The following SPOPL variants were observed in gnomAD, a reference collection of about 807,000 sequenced individuals.
SPOPL encodes the protein speckle type BTB/POZ protein like.
In SPOPL, 23 loss-of-function variants were observed where a neutral mutation model predicts 53.8. That is an observed-to-expected ratio of 0.43 (90% CI 0.31 to 0.61). The LOEUF is 0.61. SPOPL is among the 20% of genes least tolerant of loss of function. SPOPL has a pLI of 0.12. For missense variants in SPOPL, 442 were observed against 466.9 expected, an observed-to-expected ratio of 0.95 and a Z score of 0.49; for synonymous variants, 164 against 149.7, an observed-to-expected ratio of 1.10 and a Z score of -0.70.
chr2:138,502,568 C>T (rs1684128573), intron 1 of SPOPL, among the ~76,000 whole-genome samples: 1 of 152,204 alleles, frequency 6.6e-6, no homozygotes, highest in African/African-American at 2.4e-5. Context: ...CAAATACAGA[C>T]ACTTGAAACT....
At chr2:138,542,448 G>A (rs1281769719) in intron 1 of SPOPL, among the ~76,000 whole-genome samples, 4 of 152,198 alleles carry the variant, frequency 2.6e-5, no homozygotes, top group Admixed American at 2.0e-4. Flanking sequence ...ATTTAGGATA[G>A]TTAGCTGTTC....
At chr2:138,503,775 GA>G (rs1437843993) in intron 1 of SPOPL, among the ~76,000 whole-genome samples, 1 of 152,162 alleles carries the variant, frequency 6.6e-6, no homozygotes, top group Non-Finnish European at 1.5e-5. Context: ...AGATTTTACA[GA>G]TAAAAGTTTT....
chr2:138,573,324 G>A lies in SPOPL; in HGVS notation c.*4244G>A, dbSNP rs1045630897. Reference sequence around the variant, plus strand: ...TGCAAAAGAGCCATGTATTTGATACGGTAAATCATGCATAGTAATTGTCTT... The same window carrying A: ...TGCAAAAGAGCCATGTATTTGATACAGTAAATCATGCATAGTAATTGTCTT... On this transcript the variant is annotated 3_prime_UTR_variant, in exon 11 of 11. Transcript: ENST00000280098. 1.3e-5 allele frequency: 2 copies of A among 151,990 alleles called. No individual in the cohort carries two copies. Among genetic ancestry groups the A allele is most frequent in the African/African-American group, 2.4e-5 (1 of 41,372 alleles). 9.4% of individuals were successfully genotyped at this position (151,990 alleles called of 1,614,324 possible). A position where few individuals can be genotyped will look rare whatever the true frequency, so the allele number is the denominator to read the frequency against.
At chr2:138,545,858 A>G (rs1685183744) in intron 1 of SPOPL, among the ~76,000 whole-genome samples, 1 of 152,168 alleles carries the variant, frequency 6.6e-6, no homozygotes, top group Non-Finnish European at 1.5e-5. Flanking sequence ...ATTTTGTGAC[A>G]TCTATGTGTA....
chr2:138,552,714 GTTTA>G (rs1296701052), intron 5 of SPOPL, 33 bp downstream of exon 5: 2 of 1,595,654 alleles, frequency 1.3e-6, no homozygotes, highest in African/African-American at 1.4e-5. Context: ...GAACCCCATG[GTTTA>G]TTTAGTGATA....
chr2:138,571,174 T>G lies in SPOPL; in HGVS notation c.*2094T>G, dbSNP rs1685772526. On this transcript the variant is annotated 3_prime_UTR_variant, in exon 11 of 11. Coordinates refer to ENST00000280098, the MANE Select transcript of SPOPL (RefSeq NM_001001664.3). ...GAGGGTCTTATAAGAAAACAAAAAT[T>G]CCCTCAGGCTATAGAATTATGTTGT... The G allele has an allele frequency of 6.6e-6, 1 of 152,098 alleles. No individual in the cohort carries two copies. Among genetic ancestry groups the G allele is most frequent in the Non-Finnish European group, 1.5e-5 (1 of 67,992 alleles). 9.4% of individuals were successfully genotyped at this position (152,098 alleles called of 1,614,324 possible). A position where few individuals can be genotyped will look rare whatever the true frequency, so the allele number is the denominator to read the frequency against.
chr2:138,538,266 CT>C (rs1160311644), intron 1 of SPOPL, among the ~76,000 whole-genome samples: 1 of 152,052 alleles, frequency 6.6e-6, no homozygotes, highest in Non-Finnish European at 1.5e-5. Context: ...CTTTATTGAT[CT>C]TCCTCGTTCT....
chr2:138,512,084 T>A (rs1249829519), intron 1 of SPOPL, among the ~76,000 whole-genome samples: 1 of 152,234 alleles, frequency 6.6e-6, no homozygotes, highest in East Asian at 1.9e-4. Flanking sequence ...GTATTGTTTC[T>A]GATCTAAGTA....
chr2:138,563,558 T>A (rs1281671484), intron 8 of SPOPL, among the ~76,000 whole-genome samples: 1 of 152,168 alleles, frequency 6.6e-6, no homozygotes, highest in Admixed American at 6.5e-5. Context: ...TTCCTGCACA[T>A]CATTATAATG....
intron 10 of SPOPL, among the ~76,000 whole-genome samples, chr2:138,568,590 A>G (rs1363935360): frequency 6.6e-6 from 1 of 152,192 alleles, no homozygotes; most frequent in Admixed American, 6.5e-5. Context: ...GTAGAGTCCA[A>G]TATTTGTAAC....
At chr2:138,506,156 G>C (rs1684211484) in intron 1 of SPOPL, among the ~76,000 whole-genome samples, 1 of 152,232 alleles carries the variant, frequency 6.6e-6, no homozygotes, top group Non-Finnish European at 1.5e-5. Context: ...GCAGAGAACA[G>C]GTTGGAAAGA....
intron 1 of SPOPL, among the ~76,000 whole-genome samples, chr2:138,506,402 G>A (rs182514603): frequency 3.0e-4 from 46 of 152,304 alleles, no homozygotes; most frequent in African/African-American, 1.0e-3. Context: ...CAGTGCACAG[G>A]TCACAATTTG....
chr2:138,534,320 A>G (rs1346508267), intron 1 of SPOPL, among the ~76,000 whole-genome samples: 1 of 152,220 alleles, frequency 6.6e-6, no homozygotes, highest in Non-Finnish European at 1.5e-5. Context: ...ATCTAATAAA[A>G]CAGCACAGTA....
chr2:138,530,302 A>G (rs1684779475), intron 1 of SPOPL, among the ~76,000 whole-genome samples: 1 of 152,132 alleles, frequency 6.6e-6, no homozygotes, highest in Non-Finnish European at 1.5e-5. Context: ...ACATGTGTGC[A>G]TGTGTCTTTA....
chr2:138,550,762 T>G, intron 3 of SPOPL, 141 bp from the exon 4 acceptor site: 1 of 1,394,548 alleles, frequency 7.2e-7, no homozygotes, highest in Non-Finnish European at 9.7e-7. Flanking sequence ...TAAAGAACTG[T>G]GAGGATGTTG....
At position 138,559,184 on chromosome 2, in the gene SPOPL, A is replaced by T; in HGVS notation, c.643A>T (p.Lys215Ter). The T allele has an allele frequency of 6.2e-7, 1 of 1,613,564 alleles. No individual in the cohort carries two copies. The highest frequency in any genetic ancestry group is 8.5e-7 in the Non-Finnish European group (1 of 1,179,746). Residue 215 changes from lysine to a stop codon, truncating the protein, a stop_gained, in exon 6 of 11, where the codon AAA becomes TAA. Coordinates refer to ENST00000280098, the MANE Select transcript of SPOPL (RefSeq NM_001001664.3). LOFTEE classifies it high-confidence loss of function. Reference sequence around the variant, plus strand: ...GAGAGGACAAGAATTTAAAGCTCATAAATCTGTGCTTGCAGGTACTTTCTA... The same window carrying T: ...GAGAGGACAAGAATTTAAAGCTCATTAATCTGTGCTTGCAGGTACTTTCTA... The part of the protein sequence containing the change: ...FVRGQEFKAH[K>*]SVLAARSPVF...
At chr2:138,503,996 T>C (rs1684161646) in intron 1 of SPOPL, among the ~76,000 whole-genome samples, 1 of 152,164 alleles carries the variant, frequency 6.6e-6, no homozygotes, top group Non-Finnish European at 1.5e-5. Context: ...ATGCTGACAG[T>C]TTTTGCCGTA....
intron 10 of SPOPL, among the ~76,000 whole-genome samples, chr2:138,566,826 G>A (rs1353106678): frequency 6.6e-6 from 1 of 152,080 alleles, no homozygotes; most frequent in Non-Finnish European, 1.5e-5. Context: ...TTATAATATG[G>A]TAAGTAATAC....
At chr2:138,542,252 T>C (rs1685088137) in intron 1 of SPOPL, among the ~76,000 whole-genome samples, 1 of 152,196 alleles carries the variant, frequency 6.6e-6, no homozygotes. Flanking sequence ...CTATTAGGTC[T>C]GCTTGGTGCA....
Sources: allele counts gnomAD v4.1 joint callset (sites outside exome capture counted in the v4.1 genomes callset), GRCh38; gene constraint gnomAD v4.1.1; transcripts MANE v1.5; gene names NCBI Gene and HGNC (gene_info 2026-07-23, HGNC 2026-07-21).